Variants in RERG observed in about 807,000 individuals in gnomAD.
The protein encoded by RERG is RAS like estrogen regulated growth inhibitor.
In RERG, 25 loss-of-function variants were observed where a neutral mutation model predicts 23.2. The ratio of observed to expected loss-of-function variants is 1.08; its 90% CI spans 0.79 to 1.50. The LOEUF is 1.50. Among genes scored for constraint, RERG ranks in the 40% most tolerant of loss-of-function variants. The probability of loss-of-function intolerance (pLI) is 0.00; values close to 1 mark genes in which losing one functional copy is unlikely to be tolerated. For synonymous variants in RERG, 81 were observed against 89.1 expected (o/e 0.91, Z 0.51); for missense variants, 253 against 250.1 (o/e 1.01, Z -0.08).
At chr12:15,126,724 C>CTTTTTTTTTTTTTTTTTTTT (rs71042228) in intron 2 of RERG, among the ~76,000 whole-genome samples, 13 of 132,460 alleles carry the variant, frequency 9.8e-5, no homozygotes, top group Admixed American at 1.6e-4. Flanking sequence ...CTTTTTCTTT[C>CTTTTTTTTTTTTTTTTTTTT]TTTTTTTTTT....
chr12:15,209,244 T>G (rs983608388), intron 2 of RERG, among the ~76,000 whole-genome samples: 1 of 152,214 alleles, frequency 6.6e-6, no homozygotes, highest in African/African-American at 2.4e-5. Flanking sequence ...GACATTTGTA[T>G]CAGACTTGTA....
rs1045127348 is a variant in RERG, at chr12:15,108,832, A to C, written c.*278T>G. ...TAAAGCAAGGTGAAGATGCCTAAAA[A>C]TAGCTTAACATAAACCAGTCATTTC... On this transcript the variant is annotated 3_prime_UTR_variant, in exon 5 of 5. Transcript: ENST00000256953. 14 of 312,888 alleles carry C rather than the reference A, an allele frequency of 4.5e-5. No individual in the cohort carries two copies. Among genetic ancestry groups the C allele is most frequent in the African/African-American group, 3.0e-4 (14 of 46,898 alleles). The allele number at this position is 312,888 out of a possible 1,614,324, so 19.4% of individuals were successfully genotyped here.
intron 2 of RERG, among the ~76,000 whole-genome samples, chr12:15,194,132 T>C (rs530653092): frequency 6.6e-6 from 1 of 152,304 alleles, no homozygotes; most frequent in South Asian, 2.1e-4. Context: ...GGGATTGTGC[T>C]AAATCATATG....
chr12:15,160,652 T>C (rs772741187), intron 2 of RERG, among the ~76,000 whole-genome samples: 56 of 152,214 alleles, frequency 3.7e-4, no homozygotes, highest in Non-Finnish European at 7.2e-4. Context: ...AAAATAATTA[T>C]ATTAATTATG....
chr12:15,196,363 A>C (rs557487373), intron 2 of RERG, among the ~76,000 whole-genome samples: 1 of 152,186 alleles, frequency 6.6e-6, no homozygotes, highest in Non-Finnish European at 1.5e-5. Flanking sequence ...GAACTGAGAT[A>C]ATTAACACTG....
chr12:15,114,563 A>T (rs1292968465), intron 3 of RERG: 1 of 152,236 alleles, frequency 6.6e-6, no homozygotes, highest in Non-Finnish European at 1.5e-5. Context: ...TTATAAAGTT[A>T]TAAAGCTAGG....
intron 2 of RERG, among the ~76,000 whole-genome samples, chr12:15,131,135 C>T (rs1349223877): frequency 6.6e-6 from 1 of 151,822 alleles, no homozygotes; most frequent in Non-Finnish European, 1.5e-5. Flanking sequence ...AACTAAATGA[C>T]ACTATTTTGC....
intron 2 of RERG, among the ~76,000 whole-genome samples, chr12:15,140,573 A>G (rs1460590994): frequency 6.6e-6 from 1 of 151,102 alleles, no homozygotes; most frequent in Non-Finnish European, 1.5e-5. Flanking sequence ...ATTTTTTAAC[A>G]TTTCTTGTAG....
chr12:15,209,273 A>G (rs974306665), intron 2 of RERG, among the ~76,000 whole-genome samples: 4 of 152,228 alleles, frequency 2.6e-5, no homozygotes, highest in African/African-American at 9.6e-5. Flanking sequence ...AAGTACCTTC[A>G]GTGCCATAAT....
At chr12:15,156,150 G>A (rs1036039537) in intron 2 of RERG, among the ~76,000 whole-genome samples, 11 of 151,906 alleles carry the variant, frequency 7.2e-5, no homozygotes, top group Non-Finnish European at 1.3e-4. Flanking sequence ...TAATGATGAC[G>A]AAAAATAACA....
intron 2 of RERG, among the ~76,000 whole-genome samples, chr12:15,198,206 G>A (rs1315129176): frequency 2.0e-5 from 3 of 152,006 alleles, no homozygotes; most frequent in African/African-American, 4.8e-5. Context: ...TTACTGTTAT[G>A]AGCTCCTCTG....
At chr12:15,210,525 C>G (rs1313371780) in intron 2 of RERG, among the ~76,000 whole-genome samples, 1 of 152,128 alleles carries the variant, frequency 6.6e-6, no homozygotes, top group East Asian at 1.9e-4. Flanking sequence ...CATTGTCAAC[C>G]TGCAAAGTAC....
intron 3 of RERG, among the ~76,000 whole-genome samples, chr12:15,113,705 A>C (rs908675160): frequency 2.6e-5 from 4 of 151,964 alleles, no homozygotes; most frequent in African/African-American, 7.2e-5. Flanking sequence ...TAGAATAGAA[A>C]ATTTTAGAAG....
intron 2 of RERG, among the ~76,000 whole-genome samples, chr12:15,166,111 G>A (rs1297770920): frequency 1.3e-5 from 2 of 152,188 alleles, no homozygotes; most frequent in Non-Finnish European, 1.5e-5. Flanking sequence ...TCTAATTTGA[G>A]AAGAAATTCC....
At chr12:15,182,394 C>T (rs569242323) in intron 2 of RERG, among the ~76,000 whole-genome samples, 254 of 152,194 alleles carry the variant, frequency 1.7e-3, no homozygotes, top group African/African-American at 5.9e-3. Flanking sequence ...TGGATTCTTG[C>T]TAAAAGAACT....
chr12:15,220,955 C>T (rs1865504531), intron 1 of RERG, among the ~76,000 whole-genome samples: 1 of 152,212 alleles, frequency 6.6e-6, no homozygotes, highest in South Asian at 2.1e-4. Flanking sequence ...CACTTGCTTT[C>T]AGGCTAGGGA....
At chr12:15,175,167 T>TG (rs1459243656) in intron 2 of RERG, among the ~76,000 whole-genome samples, 5 of 149,766 alleles carry the variant, frequency 3.3e-5, no homozygotes, top group African/African-American at 1.2e-4. Context: ...TATTTGTTGT[T>TG]TTTTTTTTTG....
intron 1 of RERG, among the ~76,000 whole-genome samples, chr12:15,218,927 C>A (rs1865480133): frequency 6.6e-6 from 1 of 152,086 alleles, no homozygotes; most frequent in Non-Finnish European, 1.5e-5. Flanking sequence ...ACCTGACAAA[C>A]TGACCCGGTG....
intron 2 of RERG, among the ~76,000 whole-genome samples, chr12:15,135,563 G>A (rs1008069746): frequency 1.3e-5 from 2 of 152,230 alleles, no homozygotes; most frequent in Non-Finnish European, 2.9e-5. Flanking sequence ...TCCTTATCAA[G>A]TTGAGAAAGT....
Sources: allele counts gnomAD v4.1 joint callset (sites outside exome capture counted in the v4.1 genomes callset), GRCh38; gene constraint gnomAD v4.1.1; transcripts MANE v1.5; gene names NCBI Gene and HGNC (gene_info 2026-07-23, HGNC 2026-07-21).